NID1: variants seen among roughly 807,000 people sequenced by gnomAD.
NID1 encodes the protein nidogen 1, also known as nidogen-1.
A neutral mutation model predicts 130.6 loss-of-function variants in NID1; 76 were observed. That is an observed-to-expected ratio of 0.58 (90% CI 0.48 to 0.70). The LOEUF (loss-of-function observed/expected upper bound fraction) is 0.70, where lower values mean the gene tolerates loss of function less well. NID1 is among the 30% of genes least tolerant of loss of function. The pLI is 0.00. For missense variants in NID1, 1,517 were observed against 1,664.8 expected, an observed-to-expected ratio of 0.91 and a Z score of 1.54; for synonymous variants, 665 against 675.1, an observed-to-expected ratio of 0.98 and a Z score of 0.23.
intron 9 of NID1, among the ~76,000 whole-genome samples, chr1:236,023,580 T>C (rs1658830612): frequency 6.6e-6 from 1 of 152,218 alleles, no homozygotes; most frequent in Non-Finnish European, 1.5e-5. Context: ...CACTGAACTG[T>C]ACACTTAAAA....
intron 14 of NID1, among the ~76,000 whole-genome samples, chr1:235,989,213 T>C (rs1469405777): frequency 6.6e-6 from 1 of 151,860 alleles, no homozygotes; most frequent in Non-Finnish European, 1.5e-5. Flanking sequence ...CGCACCACCA[T>C]GTGCAGATAA....
chr1:235,990,487 T>C (rs1441764653), intron 14 of NID1, among the ~76,000 whole-genome samples: 1 of 152,242 alleles, frequency 6.6e-6, no homozygotes, highest in Non-Finnish European at 1.5e-5. Flanking sequence ...GTTTGGTTTC[T>C]TGGCAGGGGT....
At chr1:236,046,115 C>G (rs1030545827) in intron 2 of NID1, among the ~76,000 whole-genome samples, 3 of 152,176 alleles carry the variant, frequency 2.0e-5, no homozygotes, top group Admixed American at 2.0e-4. Context: ...CAAAACAAAA[C>G]ATGAGATTTG....
rs746057276 is a variant in NID1 at position 236,038,141 on chromosome 1, A to G, written c.1248T>C (p.Ala416=). 1 of 1,609,338 alleles carries G rather than the reference A, an allele frequency of 6.2e-7. No individual in the cohort carries two copies. Among genetic ancestry groups the G allele is most frequent in the African/African-American group, 1.3e-5 (1 of 74,872 alleles). ...YATGFCCSCV[A]GYTGNGRQCV... ...ATTGCCTGCCATTGCCCGTATAGCC[A>G]GCGACACAGCTGCAGCAGAAGCCCG... The change falls in exon 5 of 20, where the codon GCT becomes GCC. Residue 416 remains alanine (A), a synonymous_variant. Transcript: ENST00000264187.
chr1:236,064,046 C>T (rs899912789), intron 1 of NID1, among the ~76,000 whole-genome samples: 1 of 152,188 alleles, frequency 6.6e-6, no homozygotes, highest in African/African-American at 2.4e-5. Flanking sequence ...CAACCCCCTT[C>T]CCCCGGCCAA....
At chr1:236,012,733 G>A (rs564707133) in intron 11 of NID1, among the ~76,000 whole-genome samples, 1 of 152,300 alleles carries the variant, frequency 6.6e-6, no homozygotes, top group East Asian at 1.9e-4. Context: ...AAAACCCTCA[G>A]TGAAAAGAAA....
rs545283168 is a variant in NID1 at position 235,978,979 on chromosome 1, A to G, written c.3622+16T>C. ...GTGCCCCCAGTATGCCAACAGTAAC[A>G]GCACAGGAGAGTTACCTTGCGGACA... On this transcript the variant is annotated intron_variant, in intron 19 of 19. Coordinates refer to ENST00000264187, the MANE Select transcript of NID1 (RefSeq NM_002508.3). The G allele has an allele frequency of 1.6e-4, 251 of 1,574,134 alleles. 4 individuals are homozygous for G. In the South Asian group the frequency reaches 2.6e-3, roughly 16 times the overall value.
intron 1 of NID1, among the ~76,000 whole-genome samples, chr1:236,050,671 G>A (rs372058418): frequency 1.3e-5 from 2 of 152,182 alleles, no homozygotes; most frequent in South Asian, 2.1e-4. Context: ...GGGCACTCAG[G>A]CTCACCAGTG....
chr1:236,015,052 C>T (rs1658549228), intron 10 of NID1, among the ~76,000 whole-genome samples: 1 of 152,214 alleles, frequency 6.6e-6, no homozygotes. Flanking sequence ...TCCTCCTGGT[C>T]AGTCCACAGG....
chr1:235,996,624 G>A (rs1345554246), intron 12 of NID1, among the ~76,000 whole-genome samples: 3 of 151,972 alleles, frequency 2.0e-5, no homozygotes, highest in Non-Finnish European at 4.4e-5. Flanking sequence ...TGCATTTTTA[G>A]TAGAGGTGGT....
At chr1:236,025,788 C>T (rs1461376131) in intron 8 of NID1, 108 bp downstream of exon 8, 4 of 1,401,700 alleles carry the variant, frequency 2.9e-6, no homozygotes, top group Non-Finnish European at 3.9e-6. Context: ...GATACTTTAG[C>T]ATAATTTTCT....
At chr1:236,021,055 T>C (rs10803226) in intron 9 of NID1, among the ~76,000 whole-genome samples, 92,009 of 152,102 alleles carry the variant, frequency 0.6, 28,839 homozygotes, top group East Asian at 0.77. Context: ...GGGTTACTTC[T>C]GCACCTTATT....
chr1:236,043,451 C>T (rs1374434428), intron 3 of NID1, among the ~76,000 whole-genome samples: 1 of 152,062 alleles, frequency 6.6e-6, no homozygotes, highest in African/African-American at 2.4e-5. Flanking sequence ...AAAACCCCAC[C>T]CATTTGGTGT....
At position 236,029,629 on chromosome 1, in the gene NID1, C is replaced by T; in HGVS notation, c.1659G>A (p.Glu553=). 1 of 1,611,210 alleles carries T rather than the reference C, an allele frequency of 6.2e-7. No homozygotes were observed. Among genetic ancestry groups the T allele is most frequent in the Non-Finnish European group, 8.5e-7 (1 of 1,178,940 alleles). The change falls in exon 7 of 20, where the codon GAG becomes GAA. Residue 553 remains glutamate, a synonymous_variant. Coordinates refer to ENST00000264187, the MANE Select transcript of NID1 (RefSeq NM_002508.3). The part of the protein sequence containing the change: ...HGHLTIDTEL[E]GRVPQIPFGS... Reference sequence around the variant, plus strand: ...CGAACGGAATCTGCGGCACGCGGCCCTCCAGCTCCGTGTCGATGGTCAGGT... The same window carrying T: ...CGAACGGAATCTGCGGCACGCGGCCTTCCAGCTCCGTGTCGATGGTCAGGT...
intron 2 of NID1, 97 bp from the exon 3 acceptor site, chr1:236,045,780 A>G: frequency 1.1e-6 from 1 of 937,116 alleles, no homozygotes; most frequent in Non-Finnish European, 1.6e-6. Context: ...ACAGTGCTAT[A>G]GAGCGATGGC....
intron 12 of NID1, among the ~76,000 whole-genome samples, chr1:236,007,179 T>C (rs1658272790): frequency 6.6e-6 from 1 of 152,186 alleles, no homozygotes; most frequent in African/African-American, 2.4e-5. Context: ...GTGTGCTAAT[T>C]TTTAAATGCC....
rs761320405 is a variant in NID1 at position 236,041,952 on chromosome 1, G to A, written c.1093C>T (p.Pro365Ser). ...ACTTCATCCACATCTATGACCTGAG[G>A]GTGCTGCTGGTGAAAAGTCTCCACT... ...LAVETFHQQH[P>S]QVIDVDEVEE... is the part of the protein sequence containing the mutation. Residue 365 changes from proline (P) to serine (S), a missense_variant, in exon 4 of 20, where the codon CCT becomes TCT. Coordinates refer to ENST00000264187, the MANE Select transcript of NID1 (RefSeq NM_002508.3). 1 of 1,613,830 alleles carries A rather than the reference G, an allele frequency of 6.2e-7. No individual in the cohort carries two copies. Among genetic ancestry groups the A allele is most frequent in the Non-Finnish European group, 8.5e-7 (1 of 1,179,956 alleles).
intron 12 of NID1, among the ~76,000 whole-genome samples, chr1:236,003,924 T>C (rs1252940648): frequency 6.7e-6 from 1 of 150,142 alleles, no homozygotes; most frequent in Non-Finnish European, 1.5e-5. Flanking sequence ...TCCCAGCTAC[T>C]CAGGAGACCA....
chr1:235,995,932 G>C (rs545546005), intron 12 of NID1, among the ~76,000 whole-genome samples: 6 of 152,288 alleles, frequency 3.9e-5, no homozygotes, highest in Non-Finnish European at 7.4e-5. Flanking sequence ...GACCAAGGAG[G>C]GAGGATCACT....
Sources: gnomAD v4.1 joint callset for allele counts (sites outside exome capture counted in the v4.1 genomes callset) on GRCh38, gnomAD v4.1.1 for gene constraint, MANE v1.5 for transcripts, NCBI Gene and HGNC (gene_info 2026-07-23, HGNC 2026-07-21) for gene names.